The following HERC2 variants were observed in gnomAD, a reference collection of about 807,000 sequenced individuals.
The protein encoded by HERC2 is HECT and RLD domain containing E3 ubiquitin protein ligase 2, also known as E3 ubiquitin-protein ligase HERC2.
In HERC2, 102 loss-of-function variants were observed where a neutral mutation model predicts 537.7. That is an observed-to-expected ratio of 0.19 (90% CI 0.16 to 0.22). The LOEUF (loss-of-function observed/expected upper bound fraction) is 0.22. Ranked by LOEUF, HERC2 falls within the 10% of genes least tolerant of loss-of-function variation. HERC2 has a pLI of 1.00. For synonymous variants in HERC2, 2,224 were observed against 2,466.2 expected, an observed-to-expected ratio of 0.90 and a Z score of 2.91; for missense variants, 4,236 against 6,198.2, an observed-to-expected ratio of 0.68 and a Z score of 10.63.
chr15:28,254,640 C>G lies in HERC2; in HGVS notation c.2872-122G>C, dbSNP rs186168406. On this transcript the variant is annotated intron_variant, in intron 19 of 92. Transcript: ENST00000261609. ...CCAGCCTCTGTGGCTAATGCACACA[C>G]CTACCCACAGGCCCCCATCTGCCTT... 8.9e-4 allele frequency: 535 copies of G among 598,308 alleles called. 5 individuals carry two copies. Among genetic ancestry groups the G allele is most frequent in the Non-Finnish European group, 1.4e-4 (49 of 351,472 alleles). 37.1% of individuals were successfully genotyped at this position (598,308 alleles called of 1,614,324 possible).
chr15:28,211,619 G>A (rs1048696749), intron 43 of HERC2, among the ~76,000 whole-genome samples: 2 of 152,050 alleles, frequency 1.3e-5, no homozygotes, highest in African/African-American at 2.4e-5. Context: ...GGGAAGGAAG[G>A]AGGGCCGCAG....
intron 50 of HERC2, among the ~76,000 whole-genome samples, chr15:28,196,806 G>A (rs530423834): frequency 2.0e-5 from 3 of 152,196 alleles, no homozygotes; most frequent in African/African-American, 7.2e-5. Context: ...GGCGACAATC[G>A]TTAAAGCCAG....
At chr15:28,296,429 T>C (rs1440865484) in intron 3 of HERC2, among the ~76,000 whole-genome samples, 1 of 152,072 alleles carries the variant, frequency 6.6e-6, no homozygotes, top group Non-Finnish European at 1.5e-5. Flanking sequence ...GCCAAAATCA[T>C]GCCGCTACAC....
Position 28,246,786 on chromosome 15 carries a change from C to T in HERC2, c.3347G>A (p.Arg1116Gln), listed in dbSNP as rs766532717. The change falls in exon 22 of 93, where the codon CGG (arginine) becomes CAG (glutamine). Residue 1116 changes from arginine (R) to glutamine (Q), a missense_variant. Physicochemically the swap from Arg to Gln is conservative, Grantham distance 43. Coordinates refer to ENST00000261609, the MANE Select transcript of HERC2 (RefSeq NM_004667.6). The part of the protein sequence containing the change: ...VAASIASTSW[R>Q]HFAEVAYIVE... Reference sequence around the variant, plus strand: ...AATGTAAGCCACCTCCGCGAAGTGCCGCCAGCTGGTAGAAGCAATGCTGGC... The same window carrying T: ...AATGTAAGCCACCTCCGCGAAGTGCTGCCAGCTGGTAGAAGCAATGCTGGC... 24 of 1,608,034 alleles carry T rather than the reference C, an allele frequency of 1.5e-5. No individual in the cohort carries two copies. Among genetic ancestry groups the T allele is most frequent in the East Asian group, 2.2e-5 (1 of 44,538 alleles).
At chr15:28,146,091 G>A (rs1488066691) in intron 71 of HERC2, 146 bp downstream of exon 71, 2 of 626,072 alleles carry the variant, frequency 3.2e-6, no homozygotes, top group African/African-American at 1.8e-5. Flanking sequence ...CAAACCCACT[G>A]TGTTTCACAG....
chr15:28,260,110 C>T (rs2075378373), intron 16 of HERC2, among the ~76,000 whole-genome samples: 1 of 150,622 alleles, frequency 6.6e-6, no homozygotes, highest in South Asian at 2.1e-4. Flanking sequence ...GAGGCCAAGG[C>T]AGGCAGATCG....
chr15:28,264,646 A>G (rs1427000056), intron 14 of HERC2, among the ~76,000 whole-genome samples: 1 of 152,230 alleles, frequency 6.6e-6, no homozygotes. Flanking sequence ...CAGTTTACTC[A>G]ACATATCATC....
At chr15:28,315,108 G>A (rs1167975351) in intron 2 of HERC2, among the ~76,000 whole-genome samples, 2 of 152,206 alleles carry the variant, frequency 1.3e-5, no homozygotes, top group Non-Finnish European at 2.9e-5. Context: ...TGTTCAGCCA[G>A]CACATTCACT....
In HERC2 at chr15:28,218,472, G is replaced by C. The variant is rs772808346; in HGVS notation, c.6028+17C>G. 1.0e-5 allele frequency: 16 copies of C among 1,584,480 alleles called. No individual in the cohort carries two copies. The highest frequency in any genetic ancestry group is 1.4e-5 in the Non-Finnish European group (16 of 1,172,270). On this transcript the variant is annotated intron_variant, in intron 38 of 92. Coordinates refer to ENST00000261609, the MANE Select transcript of HERC2 (RefSeq NM_004667.6). ...CCCAGCGCTGACTCCCTGGGCCCTC[G>C]ATCTCTCATTCCATACATGTCTTGT... is the stretch of plus-strand genomic sequence containing the variant.
intron 68 of HERC2, among the ~76,000 whole-genome samples, chr15:28,163,685 T>G (rs907977394): frequency 6.6e-6 from 1 of 152,194 alleles, no homozygotes; most frequent in Non-Finnish European, 1.5e-5. Flanking sequence ...ATTCTCTAAT[T>G]GTATACATTT....
intron 10 of HERC2, among the ~76,000 whole-genome samples, chr15:28,270,340 T>C (rs1183794547): frequency 2.6e-5 from 4 of 151,826 alleles, no homozygotes; most frequent in Non-Finnish European, 5.9e-5. Context: ...GTCACTACTA[T>C]CACCAGCATT....
rs1432702452 is a variant in HERC2 at position 28,213,928 on chromosome 15, C to A, written c.6600G>T (p.Val2200=). 4 of 1,614,134 alleles carry A rather than the reference C, an allele frequency of 2.5e-6. No individual in the cohort carries two copies. The highest frequency in any genetic ancestry group is 3.4e-6 in the Non-Finnish European group (4 of 1,180,026). ...DYFPDSENPE[V]GGLMAVLAVI... ...CAGCCAGGACTGCCATGAGGCCCCCCACTTCAGGGTTCTCGGAGTCGGGGA... is the reference window on the plus strand; with the variant it reads ...CAGCCAGGACTGCCATGAGGCCCCCAACTTCAGGGTTCTCGGAGTCGGGGA... Residue 2200 remains valine, a synonymous_variant, in exon 42 of 93, where the codon GTG becomes GTT. Coordinates refer to ENST00000261609, the MANE Select transcript of HERC2 (RefSeq NM_004667.6).
Position 28,228,237 on chromosome 15 carries a change from C to A in HERC2, c.5445G>T (p.Gln1815His). ...LLNSGMLALT[Q>H]TALRLIGPSC... ...ACCTACCAATCAGGCGCAGTGCCGT[C>A]TGCGTGAGGGCCAGCATGCCGGAAT... is the stretch of plus-strand genomic sequence containing the variant. The change falls in exon 35 of 93, where the codon CAG becomes CAT. Residue 1815 changes from glutamine to histidine, a missense_variant. Gln to His is a conservative substitution (Grantham distance 24, BLOSUM62 0). This residue lies in a region of HERC2 where 343 missense variants were observed against 417.2 expected (regional missense o/e 0.82). Transcript: ENST00000261609. The A allele has an allele frequency of 6.2e-7, 1 of 1,613,710 alleles. No homozygotes were observed. The highest frequency in any genetic ancestry group is 8.5e-7 in the Non-Finnish European group (1 of 1,179,874).
At chr15:28,209,308 C>T (rs1353185122) in intron 44 of HERC2, among the ~76,000 whole-genome samples, 1 of 152,026 alleles carries the variant, frequency 6.6e-6, no homozygotes, top group Admixed American at 6.6e-5. Context: ...AAAAGAATAG[C>T]AATAACAACT....
At chr15:28,225,812 T>G (rs1330150031) in intron 35 of HERC2, among the ~76,000 whole-genome samples, 2 of 151,870 alleles carry the variant, frequency 1.3e-5, no homozygotes, top group African/African-American at 2.4e-5. Flanking sequence ...AAGAACACTG[T>G]GAACTACTGT....
rs540512744 is a variant in HERC2 at position 28,165,659 on chromosome 15, T to C, written c.10554+2028A>G. On this transcript the variant is annotated intron_variant, in intron 68 of 92. Coordinates refer to ENST00000261609, the MANE Select transcript of HERC2 (RefSeq NM_004667.6). ...AAGAGAAAAAAAAAAATACAAAAAT[T>C]AGCCAGGTATGGTGGTGCATGCTTG... is the stretch of plus-strand genomic sequence containing the variant. Among the ~76,000 whole-genome samples, 12 of 151,466 alleles carry C rather than the reference T, an allele frequency of 7.9e-5. No individual in the cohort carries two copies. The East Asian group carries it at 2.3e-3, about 30-fold the overall frequency.
chr15:28,144,465 TGAG>T (rs1378564581), intron 72 of HERC2, among the ~76,000 whole-genome samples: 6 of 152,108 alleles, frequency 3.9e-5, no homozygotes, highest in Non-Finnish European at 8.8e-5. Context: ...CCACACCAGG[TGAG>T]GAGGAGTGTG....
At chr15:28,224,995 G>A (rs991213809) in intron 35 of HERC2, among the ~76,000 whole-genome samples, 2 of 152,240 alleles carry the variant, frequency 1.3e-5, no homozygotes, top group African/African-American at 2.4e-5. Flanking sequence ...AAGCAGGGAT[G>A]AAGGGGCAAT....
At chr15:28,162,677 C>T (rs1893725919) in intron 69 of HERC2, among the ~76,000 whole-genome samples, 1 of 152,076 alleles carries the variant, frequency 6.6e-6, no homozygotes, top group African/African-American at 2.4e-5. Flanking sequence ...ATCACGAGGT[C>T]AGGAGATCAA....
Sources: gnomAD v4.1 joint callset for allele counts (sites outside exome capture counted in the v4.1 genomes callset) on GRCh38, gnomAD v4.1.1 for gene constraint, gnomAD v4.1.1 regional missense constraint, MANE v1.5 for transcripts, NCBI Gene and HGNC (gene_info 2026-07-23, HGNC 2026-07-21) for gene names.